The following SGCZ variants were observed in gnomAD, a reference collection of about 807,000 sequenced individuals.
SGCZ encodes the protein zeta-sarcoglycan.
In SGCZ, 40 loss-of-function variants were observed where a neutral mutation model predicts 41.3. The observed-to-expected ratio is 0.97, with a 90% confidence interval of 0.75 to 1.26. The LOEUF (loss-of-function observed/expected upper bound fraction) is 1.26. Among genes scored for constraint, SGCZ ranks in the 50% most tolerant of loss-of-function variants. The pLI is 0.00. For synonymous variants in SGCZ, 206 were observed against 137.5 expected, an observed-to-expected ratio of 1.50 and a Z score of -3.49; for missense variants, 552 against 369.8, an observed-to-expected ratio of 1.49 and a Z score of -4.04.
intron 1 of SGCZ, among the ~76,000 whole-genome samples, chr8:15,089,720 C>A (rs1490025164): frequency 6.6e-6 from 1 of 152,080 alleles, no homozygotes; most frequent in Non-Finnish European, 1.5e-5. Context: ...ATTTTGGGGA[C>A]TGAGGACATG....
intron 1 of SGCZ, among the ~76,000 whole-genome samples, chr8:14,979,975 G>A (rs1008141271): frequency 6.6e-6 from 1 of 152,158 alleles, no homozygotes; most frequent in East Asian, 1.9e-4. Context: ...TAGGAATCAT[G>A]CTTAAAATTA....
At chr8:14,761,536 TTTA>T (rs1563251952) in intron 1 of SGCZ, among the ~76,000 whole-genome samples, 82 of 124,546 alleles carry the variant, frequency 6.6e-4, no homozygotes, top group Middle Eastern at 4.4e-3. Context: ...TATTTATTTA[TTTA>T]TTTTTTTTTT....
chr8:14,952,775 G>T (rs981300910), intron 1 of SGCZ, among the ~76,000 whole-genome samples: 1 of 152,132 alleles, frequency 6.6e-6, no homozygotes, highest in Admixed American at 6.5e-5. Context: ...ATTGTTACCC[G>T]AGGTATTAAA....
At chr8:14,437,499 G>A (rs1442425643) in intron 2 of SGCZ, among the ~76,000 whole-genome samples, 1 of 151,966 alleles carries the variant, frequency 6.6e-6, no homozygotes, top group African/African-American at 2.4e-5. Context: ...ACGTTCTTCT[G>A]AGTCAATATT....
Position 14,231,012 on chromosome 8 carries a change from ACTC to A in SGCZ, c.424+6577_424+6579del, listed in dbSNP as rs748454099. ...AAATTACTTTAAAAAATATATCCAG[ACTC>A]AAATTATGTTGGAGTATATTGCATG... is the stretch of plus-strand genomic sequence containing the variant. On this transcript the variant is annotated intron_variant, in intron 4 of 7. Coordinates refer to ENST00000382080, the MANE Select transcript of SGCZ (RefSeq NM_139167.4). Among the ~76,000 whole-genome samples the A allele has an allele frequency of 5.3e-4, 80 of 152,150 alleles. 2 individuals carry two copies. The highest frequency in any genetic ancestry group is 3.2e-3 in the Admixed American group (49 of 15,242).
At chr8:14,319,441 A>G (rs1007929545) in intron 3 of SGCZ, 1 of 152,060 alleles carries the variant, frequency 6.6e-6, no homozygotes, top group Middle Eastern at 3.2e-3. Context: ...TTCAAGGATT[A>G]AAAAACCAAC....
At chr8:14,958,687 G>C (rs1365147693) in intron 1 of SGCZ, among the ~76,000 whole-genome samples, 1 of 151,976 alleles carries the variant, frequency 6.6e-6, no homozygotes, top group Non-Finnish European at 1.5e-5. Context: ...TTACACTTTA[G>C]ATTTGTGCAT....
chr8:14,825,251 A>G (rs767672192), intron 1 of SGCZ, among the ~76,000 whole-genome samples: 3 of 152,180 alleles, frequency 2.0e-5, no homozygotes, highest in Non-Finnish European at 4.4e-5. Context: ...TGAAATCCTT[A>G]GCAAGATACA....
At chr8:14,789,995 G>A (rs1220976695) in intron 1 of SGCZ, among the ~76,000 whole-genome samples, 1 of 152,046 alleles carries the variant, frequency 6.6e-6, no homozygotes, top group African/African-American at 2.4e-5. Context: ...GTAAATTCAT[G>A]TAAATAACAT....
At chr8:14,787,417 T>C (rs1800803128) in intron 1 of SGCZ, among the ~76,000 whole-genome samples, 1 of 151,960 alleles carries the variant, frequency 6.6e-6, no homozygotes, top group African/African-American at 2.4e-5. Flanking sequence ...ATATTATTAG[T>C]AATAATATAC....
intron 2 of SGCZ, among the ~76,000 whole-genome samples, chr8:14,408,184 G>A (rs1422159129): frequency 2.6e-5 from 4 of 152,196 alleles, no homozygotes; most frequent in Admixed American, 6.5e-5. Context: ...ATGGAAAGAA[G>A]GAAACTGTTA....
intron 5 of SGCZ, among the ~76,000 whole-genome samples, chr8:14,162,919 A>G (rs1804090424): frequency 6.6e-6 from 1 of 152,162 alleles, no homozygotes; most frequent in African/African-American, 2.4e-5. Context: ...CACTTGTGCT[A>G]GACTGCACTG....
chr8:14,703,602 G>C (rs898070723), intron 1 of SGCZ, among the ~76,000 whole-genome samples: 1 of 151,900 alleles, frequency 6.6e-6, no homozygotes, highest in Non-Finnish European at 1.5e-5. Flanking sequence ...CTCTATATAT[G>C]TTGAATAAGC....
At chr8:14,702,827 A>AGACAGAT (rs1341495029) in intron 1 of SGCZ, among the ~76,000 whole-genome samples, 1,234 of 51,158 alleles carry the variant, frequency 0.024, 26 homozygotes, top group Non-Finnish European at 0.045. Context: ...ATAGATAGAT[A>AGACAGAT]GATAGATAGA....
intron 3 of SGCZ, among the ~76,000 whole-genome samples, chr8:14,311,806 G>A (rs1427834496): frequency 6.6e-6 from 1 of 151,086 alleles, no homozygotes; most frequent in African/African-American, 2.4e-5. Context: ...ATTTTTTTCT[G>A]TATGTAAATA....
At chr8:14,724,160 G>A (rs919053854) in intron 1 of SGCZ, among the ~76,000 whole-genome samples, 7 of 152,052 alleles carry the variant, frequency 4.6e-5, no homozygotes, top group Admixed American at 2.0e-4. Flanking sequence ...CTAAATGTGT[G>A]GAGAACAAAG....
At chr8:15,217,631 CCT>C (rs1801455098) in intron 1 of SGCZ, among the ~76,000 whole-genome samples, 1 of 152,044 alleles carries the variant, frequency 6.6e-6, no homozygotes, top group Non-Finnish European at 1.5e-5. Flanking sequence ...GACTGGCGTG[CCT>C]TTTCTTTGTT....
chr8:14,522,054 C>G (rs62498398), intron 2 of SGCZ, among the ~76,000 whole-genome samples: 5,416 of 152,082 alleles, frequency 0.036, 112 homozygotes, highest in East Asian at 0.078. Context: ...CTCAGTTAAC[C>G]TGGTAGGTTA....
At chr8:14,890,337 T>C (rs1031253272) in intron 1 of SGCZ, among the ~76,000 whole-genome samples, 4 of 152,122 alleles carry the variant, frequency 2.6e-5, no homozygotes, top group African/African-American at 9.7e-5. Flanking sequence ...AAATTAAAAG[T>C]GTTACTCTAG....
Sources: allele counts gnomAD v4.1 joint callset (sites outside exome capture counted in the v4.1 genomes callset), GRCh38; gene constraint gnomAD v4.1.1; transcripts MANE v1.5; gene names NCBI Gene and HGNC (gene_info 2026-07-23, HGNC 2026-07-21).